Variants in PTPRG observed in about 807,000 individuals in gnomAD.
PTPRG encodes protein tyrosine phosphatase receptor type G.
A neutral mutation model predicts 165.3 loss-of-function variants in PTPRG; 102 were observed. The ratio of observed to expected loss-of-function variants is 0.62; its 90% confidence interval spans 0.53 to 0.73. PTPRG has a LOEUF of 0.73. PTPRG is among the 30% of genes least tolerant of loss of function. The pLI, the probability that PTPRG is intolerant of heterozygous loss-of-function variation, is 0.00. For missense variants in PTPRG, 1,866 were observed against 1,861.4 expected (o/e 1.00, Z -0.05); for synonymous variants, 675 against 669.5 (o/e 1.01, Z -0.13).
intron 1 of PTPRG, among the ~76,000 whole-genome samples, chr3:61,603,869 A>G (rs867440914): frequency 6.6e-6 from 1 of 152,138 alleles, no homozygotes; most frequent in South Asian, 2.1e-4. Flanking sequence ...TCCCCTTACT[A>G]TAAGGACACC....
rs35700866 is a variant in PTPRG at position 62,028,639 on chromosome 3, G to A, written c.519+25142G>A. On this transcript the variant is annotated intron_variant, in intron 4 of 29. Transcript: ENST00000474889. Reference sequence around the variant, plus strand: ...GAACATTGTTTTATACCAAGGCTTTGTTAGCATTCCTGGGTTGCACATAAC... The same window carrying A: ...GAACATTGTTTTATACCAAGGCTTTATTAGCATTCCTGGGTTGCACATAAC... Among the ~76,000 whole-genome samples the A allele has an allele frequency of 7.6e-3, 1,161 of 152,342 alleles. 9 individuals are homozygous for A. The highest frequency in any genetic ancestry group is 0.012 in the Non-Finnish European group (834 of 68,032).
chr3:61,769,114 A>T (rs1217050022), intron 2 of PTPRG, among the ~76,000 whole-genome samples: 1 of 152,226 alleles, frequency 6.6e-6, no homozygotes, highest in Non-Finnish European at 1.5e-5. Context: ...TTAAGTCACC[A>T]TATGAAAATA....
chr3:62,141,447 A>C (rs2106642070), intron 6 of PTPRG, among the ~76,000 whole-genome samples: 2 of 152,162 alleles, frequency 1.3e-5, no homozygotes, highest in Middle Eastern at 6.8e-3. Flanking sequence ...AAAGTAAACA[A>C]AATTAGCCTG....
intron 6 of PTPRG, among the ~76,000 whole-genome samples, chr3:62,146,314 G>A (rs989750172): frequency 6.6e-6 from 1 of 152,088 alleles, no homozygotes; most frequent in African/African-American, 2.4e-5. Context: ...TGTCTTAGAT[G>A]TCTTTGAACC....
At chr3:62,045,555 T>C (rs1480119741) in intron 4 of PTPRG, among the ~76,000 whole-genome samples, 1 of 152,222 alleles carries the variant, frequency 6.6e-6, no homozygotes, top group Non-Finnish European at 1.5e-5. Flanking sequence ...AATCAGAAGC[T>C]TATAAATGGC....
chr3:61,733,248 T>C (rs1245118274), intron 1 of PTPRG, among the ~76,000 whole-genome samples: 1 of 152,224 alleles, frequency 6.6e-6, no homozygotes, highest in East Asian at 1.9e-4. Context: ...TCTGTATATT[T>C]TGTGAAATAA....
At chr3:61,753,825 A>T (rs2033541443) in intron 2 of PTPRG, among the ~76,000 whole-genome samples, 1 of 152,058 alleles carries the variant, frequency 6.6e-6, no homozygotes, top group African/African-American at 2.4e-5. Context: ...TGAACTCCTG[A>T]CCTCAGGTGA....
intron 2 of PTPRG, among the ~76,000 whole-genome samples, chr3:61,928,774 G>C (rs1244625178): frequency 1.3e-5 from 2 of 151,974 alleles, no homozygotes; most frequent in Non-Finnish European, 2.9e-5. Flanking sequence ...CTCTTTTCAG[G>C]GTTGATATAT....
chr3:61,638,591 G>GTTTTTTTTTTTTTTTTTT (rs34396141), intron 1 of PTPRG, among the ~76,000 whole-genome samples: 4 of 58,704 alleles, frequency 6.8e-5, no homozygotes, highest in African/African-American at 2.6e-4. Flanking sequence ...TGCCTGGCTA[G>GTTTTTTTTTTTTTTTTTT]TTTTTTTTTT....
intron 28 of PTPRG, among the ~76,000 whole-genome samples, chr3:62,287,152 C>T (rs151038277): frequency 5.9e-5 from 9 of 152,154 alleles, no homozygotes; most frequent in African/African-American, 2.2e-4. Flanking sequence ...ATATGGCTGG[C>T]CACAGATAGC....
intron 7 of PTPRG, among the ~76,000 whole-genome samples, chr3:62,160,346 C>G (rs529281600): frequency 6.6e-6 from 1 of 152,202 alleles, no homozygotes; most frequent in African/African-American, 2.4e-5. Flanking sequence ...TGCACTTGTA[C>G]CTCTGGCTTG....
At chr3:62,049,874 C>T (rs1207109321) in intron 4 of PTPRG, among the ~76,000 whole-genome samples, 1 of 152,156 alleles carries the variant, frequency 6.6e-6, no homozygotes, top group African/African-American at 2.4e-5. Context: ...TAGACTTTCT[C>T]ATACTTCGCT....
chr3:61,849,223 A>G (rs550948230), intron 2 of PTPRG, among the ~76,000 whole-genome samples: 47 of 152,332 alleles, frequency 3.1e-4, no homozygotes, highest in African/African-American at 1.1e-3. Context: ...CTAAATTTGT[A>G]CAGGATGGAA....
At chr3:61,738,312 ACATATATATATATATATATATATATG>A (rs2032830392) in intron 1 of PTPRG, among the ~76,000 whole-genome samples, 3 of 59,420 alleles carry the variant, frequency 5.0e-5, no homozygotes, top group South Asian at 6.8e-4. Flanking sequence ...ATATATATAT[ACATATATATATATATATATATATATG>A]TATATATATA....
chr3:61,880,191 A>G (rs371932649), intron 2 of PTPRG, among the ~76,000 whole-genome samples: 16 of 152,366 alleles, frequency 1.1e-4, no homozygotes, highest in African/African-American at 3.8e-4. Flanking sequence ...TTCTGGGGAA[A>G]TAACAGTTAA....
chr3:61,561,912 T>A lies in PTPRG; in HGVS notation c.-376T>A, dbSNP rs1699764719. ...TCTCGGGCTGTGCTGCGCTGCCGAC[T>A]CAAGTTGGGGATCCTCGGCTGCTCG... On this transcript the variant is annotated 5_prime_UTR_variant, in exon 1 of 30. Transcript: ENST00000474889. The A allele has an allele frequency of 6.3e-6, 1 of 157,892 alleles. No individual in the cohort carries two copies. 9.8% of individuals were successfully genotyped at this position (157,892 alleles called of 1,614,324 possible). A position where few individuals can be genotyped will look rare whatever the true frequency, so the allele number is the denominator to read the frequency against.
intron 4 of PTPRG, among the ~76,000 whole-genome samples, chr3:62,029,557 A>G (rs957995763): frequency 7.9e-5 from 12 of 152,222 alleles, no homozygotes; most frequent in Non-Finnish European, 1.6e-4. Flanking sequence ...ATCCATCTTC[A>G]TTGGAAAACT....
intron 4 of PTPRG, 78 bp downstream of exon 4, chr3:62,003,575 GTCATTTTGCAAA>G: frequency 6.4e-7 from 1 of 1,557,162 alleles, no homozygotes; most frequent in Non-Finnish European, 8.7e-7. Context: ...CTTACCCTCA[GTCATTTTGCAAA>G]TCACAGCTGT....
At position 61,884,308 on chromosome 3, in the gene PTPRG, A is replaced by G. The variant is rs375070536; in HGVS notation, c.191-105317A>G. On this transcript the variant is annotated intron_variant, in intron 2 of 29. Coordinates refer to ENST00000474889, the MANE Select transcript of PTPRG (RefSeq NM_002841.4). ...GTGCTTCACTTTAATATGAAGGCAC[A>G]TGGTATACCAGCTCGGTGAAATGAA... Among the ~76,000 whole-genome samples the G allele has an allele frequency of 2.6e-4, 39 of 152,350 alleles. 1 individual carries two copies. The highest frequency in any genetic ancestry group is 8.9e-4 in the African/African-American group (37 of 41,590).
Sources: allele counts gnomAD v4.1 joint callset (sites outside exome capture counted in the v4.1 genomes callset), GRCh38; gene constraint gnomAD v4.1.1; transcripts MANE v1.5; gene names NCBI Gene and HGNC (gene_info 2026-07-23, HGNC 2026-07-21).